The following GPC5 variants were observed in gnomAD, a reference collection of about 807,000 sequenced individuals.
GPC5 encodes glypican-5.
In GPC5, 47 loss-of-function variants were observed where a neutral mutation model predicts 53.9. The observed-to-expected ratio is 0.87, with a 90% CI of 0.69 to 1.11. GPC5 has a LOEUF of 1.11. Among genes scored for constraint, GPC5 ranks in the 50% most tolerant of loss-of-function variants. The pLI is 0.00. For synonymous variants in GPC5, 286 were observed against 263.3 expected, an observed-to-expected ratio of 1.09 and a Z score of -0.84; for missense variants, 748 against 713.1, an observed-to-expected ratio of 1.05 and a Z score of -0.56.
intron 1 of GPC5, among the ~76,000 whole-genome samples, chr13:91,410,937 C>CAAA (rs1288291785): frequency 2.6e-5 from 4 of 151,918 alleles, no homozygotes; most frequent in African/African-American, 9.7e-5. Context: ...GGTGAAACCC[C>CAAA]GTCTCTACCA....
chr13:91,836,158 A>G (rs2038721119), intron 5 of GPC5, among the ~76,000 whole-genome samples: 2 of 152,188 alleles, frequency 1.3e-5, no homozygotes, highest in South Asian at 4.1e-4. Context: ...TTGACAATAA[A>G]TACTCTAAAT....
chr13:92,856,446 T>C (rs1879001958), intron 7 of GPC5, among the ~76,000 whole-genome samples: 1 of 151,992 alleles, frequency 6.6e-6, no homozygotes, highest in Admixed American at 6.6e-5. Flanking sequence ...ACAAAACGTC[T>C]ACTCTCTCTA....
intron 2 of GPC5, among the ~76,000 whole-genome samples, chr13:91,653,471 G>A (rs923083013): frequency 6.6e-6 from 1 of 151,992 alleles, no homozygotes; most frequent in Non-Finnish European, 1.5e-5. Context: ...TAGCAAAACA[G>A]GGTGCCTATG....
intron 2 of GPC5, among the ~76,000 whole-genome samples, chr13:91,665,841 C>T (rs527540089): frequency 1.3e-5 from 2 of 152,232 alleles, no homozygotes; most frequent in South Asian, 4.1e-4. Flanking sequence ...TAGATACCCA[C>T]CCTTGGGCAA....
At chr13:91,712,690 T>C (rs1235932180) in intron 3 of GPC5, among the ~76,000 whole-genome samples, 1 of 152,134 alleles carries the variant, frequency 6.6e-6, no homozygotes, top group Non-Finnish European at 1.5e-5. Context: ...ACTTTGCTAT[T>C]GGCTTTTTCA....
chr13:91,533,547 G>C (rs1288003717), intron 2 of GPC5, among the ~76,000 whole-genome samples: 4 of 152,108 alleles, frequency 2.6e-5, no homozygotes, highest in African/African-American at 9.7e-5. Flanking sequence ...TGGCGGGGAA[G>C]ATAGATAATG....
intron 7 of GPC5, among the ~76,000 whole-genome samples, chr13:92,731,237 T>G (rs1358877639): frequency 6.6e-6 from 1 of 151,390 alleles, no homozygotes; most frequent in Non-Finnish European, 1.5e-5. Flanking sequence ...AAGAAAACAT[T>G]AAAAATCATG....
chr13:92,854,586 C>T (rs1055009366), intron 7 of GPC5, among the ~76,000 whole-genome samples: 1 of 151,764 alleles, frequency 6.6e-6, no homozygotes, highest in East Asian at 1.9e-4. Flanking sequence ...ATTATCAAGT[C>T]AGAAGCATAG....
chr13:92,540,814 G>A (rs1303246273), intron 7 of GPC5, among the ~76,000 whole-genome samples: 1 of 151,832 alleles, frequency 6.6e-6, no homozygotes, highest in East Asian at 1.9e-4. Flanking sequence ...TTTGTTGTAT[G>A]ACCATTGTCC....
intron 6 of GPC5, among the ~76,000 whole-genome samples, chr13:92,038,356 A>T (rs773768072): frequency 5.4e-5 from 1 of 18,382 alleles, no homozygotes; most frequent in Non-Finnish European, 1.0e-4. Flanking sequence ...TGCTAGATAG[A>T]TAGATAGATA....
At chr13:91,560,771 A>T (rs1434645824) in intron 2 of GPC5, among the ~76,000 whole-genome samples, 1 of 150,252 alleles carries the variant, frequency 6.7e-6, no homozygotes, top group Non-Finnish European at 1.5e-5. Flanking sequence ...TTAGGAAAAA[A>T]AATTAATGTT....
chr13:92,527,233 G>GAA (rs779023134), intron 7 of GPC5, among the ~76,000 whole-genome samples: 7 of 37,512 alleles, frequency 1.9e-4, no homozygotes, highest in Admixed American at 1.1e-3. Flanking sequence ...AAGAAAGAAA[G>GAA]AAAGAAAGAA....
chr13:92,684,999 A>T (rs967457391), intron 7 of GPC5, among the ~76,000 whole-genome samples: 3 of 152,220 alleles, frequency 2.0e-5, no homozygotes, highest in East Asian at 1.9e-4. Flanking sequence ...GATGTTGAGC[A>T]TCTTTTCATG....
intron 1 of GPC5, among the ~76,000 whole-genome samples, chr13:91,406,073 T>G (rs2138759779): frequency 6.6e-6 from 1 of 152,314 alleles, no homozygotes; most frequent in South Asian, 2.1e-4. Flanking sequence ...TGCCTGGCCC[T>G]AATTGAAATT....
Position 92,866,490 on chromosome 13 carries a change from C to T in GPC5, c.*51C>T, listed in dbSNP as rs777318150. The T allele has an allele frequency of 7.1e-7, 1 of 1,405,306 alleles. No homozygotes were observed. Among genetic ancestry groups the T allele is most frequent in the South Asian group, 1.5e-5 (1 of 68,360 alleles). 87.1% of individuals were successfully genotyped at this position (1,405,306 alleles called of 1,614,324 possible). A position where few individuals can be genotyped will look rare whatever the true frequency, so the allele number is the denominator to read the frequency against. On this transcript the variant is annotated 3_prime_UTR_variant, in exon 8 of 8. Coordinates refer to ENST00000377067, the MANE Select transcript of GPC5 (RefSeq NM_004466.6). ...TTACTGAAGTCTCGATTTCTTCTCTCTCTGCATATGCCTGGAATAAGAGAT... is the reference window on the plus strand; with the variant it reads ...TTACTGAAGTCTCGATTTCTTCTCTTTCTGCATATGCCTGGAATAAGAGAT...
intron 7 of GPC5, among the ~76,000 whole-genome samples, chr13:92,666,454 C>A (rs1218187846): frequency 1.3e-5 from 2 of 152,040 alleles, no homozygotes; most frequent in East Asian, 3.8e-4. Flanking sequence ...CATAATATAA[C>A]AAACCATGTT....
intron 7 of GPC5, among the ~76,000 whole-genome samples, chr13:92,431,930 A>T (rs1877105621): frequency 6.6e-6 from 1 of 152,140 alleles, no homozygotes; most frequent in Admixed American, 6.5e-5. Flanking sequence ...AGATTGTAGG[A>T]AGTTGTCAAA....
At chr13:91,769,423 A>G (rs2037581606) in intron 5 of GPC5, among the ~76,000 whole-genome samples, 1 of 152,206 alleles carries the variant, frequency 6.6e-6, no homozygotes. Context: ...TAGGTGAGGA[A>G]TGAGATGGCA....
At chr13:92,728,944 G>A (rs1003727832) in intron 7 of GPC5, among the ~76,000 whole-genome samples, 7 of 151,256 alleles carry the variant, frequency 4.6e-5, no homozygotes, top group Admixed American at 1.3e-4. Flanking sequence ...GCAAAGAGTC[G>A]ATTTACTTAT....
Sources: gnomAD v4.1 joint callset for allele counts (sites outside exome capture counted in the v4.1 genomes callset) on GRCh38, gnomAD v4.1.1 for gene constraint, MANE v1.5 for transcripts, NCBI Gene and HGNC (gene_info 2026-07-23, HGNC 2026-07-21) for gene names.